The following ZC3H8 variants were observed in gnomAD, a reference collection of about 807,000 sequenced individuals.
ZC3H8 encodes zinc finger CCCH domain-containing protein 8.
A neutral mutation model predicts 42.5 loss-of-function variants in ZC3H8; 27 were observed. The observed-to-expected ratio is 0.64, with a 90% CI of 0.47 to 0.88. ZC3H8 has a LOEUF of 0.88. Among genes scored for constraint, ZC3H8 ranks in the 40% least tolerant of loss-of-function variants. The pLI is 0.00. For synonymous variants in ZC3H8, 101 were observed against 110.1 expected (o/e 0.92, Z 0.52); for missense variants, 277 against 336.1 (o/e 0.82, Z 1.37).
chr2:112,234,285 ATATTT>A (rs1319077981), intron 4 of ZC3H8, 49 bp from the exon 5 acceptor site: 1 of 1,367,760 alleles, frequency 7.3e-7, no homozygotes, highest in African/African-American at 1.5e-5. Flanking sequence ...AGAAAATTAA[ATATTT>A]TATTCTGTTG....
At chr2:112,227,085 A>G (rs929063066) in intron 8 of ZC3H8, among the ~76,000 whole-genome samples, 2 of 152,336 alleles carry the variant, frequency 1.3e-5, no homozygotes, top group African/African-American at 4.8e-5. Flanking sequence ...AGCTAAAATC[A>G]TATGTATTGG....
At chr2:112,226,090 A>G (rs1224125766) in intron 8 of ZC3H8, among the ~76,000 whole-genome samples, 1 of 152,094 alleles carries the variant, frequency 6.6e-6, no homozygotes. Context: ...TCAAAAAAAA[A>G]AGAAAATCTT....
chr2:112,253,317 C>T (rs1310027302), intron 1 of ZC3H8, among the ~76,000 whole-genome samples: 4 of 151,920 alleles, frequency 2.6e-5, no homozygotes, highest in African/African-American at 9.7e-5. Flanking sequence ...TTCATCTCTT[C>T]TTCATTTACT....
chr2:112,219,085 G>A (rs1684470059), intron 8 of ZC3H8, among the ~76,000 whole-genome samples: 1 of 151,948 alleles, frequency 6.6e-6, no homozygotes, highest in Non-Finnish European at 1.5e-5. Flanking sequence ...TTTTTTTCCA[G>A]AAATAGAAAA....
chr2:112,248,481 T>C lies in ZC3H8; in HGVS notation c.156+1710A>G, dbSNP rs114697111. 6.0e-3 allele frequency among the ~76,000 whole-genome samples: 908 copies of C among 152,320 alleles called. 8 individuals are homozygous for C. Among genetic ancestry groups the C allele is most frequent in the Admixed American group, 0.01 (156 of 15,312 alleles). The stretch of plus-strand genomic sequence containing the variant: ...AGTGACAATTTAACCCATTCTTCTA[T>C]AGTGTGTTAAAACTCATTTTTTTTT... On this transcript the variant is annotated intron_variant, in intron 2 of 8. Transcript: ENST00000409573.
intron 8 of ZC3H8, 58 bp from the exon 9 acceptor site, chr2:112,216,526 C>T (rs1021981499): frequency 2.0e-5 from 3 of 152,146 alleles, no homozygotes; most frequent in Non-Finnish European, 2.9e-5. Context: ...CCAGCAGAGC[C>T]GCCCTTACTC....
At chr2:112,224,429 C>G (rs1159991720) in intron 8 of ZC3H8, among the ~76,000 whole-genome samples, 2 of 152,104 alleles carry the variant, frequency 1.3e-5, no homozygotes, top group Non-Finnish European at 2.9e-5. Context: ...GAGTTTCTAC[C>G]AGAAAATTGC....
Position 112,216,048 on chromosome 2 carries a change from C to A in ZC3H8, c.*436G>T, listed in dbSNP as rs1407762163. 3 of 152,130 alleles carry A rather than the reference C, an allele frequency of 2.0e-5. No homozygotes were observed. Among genetic ancestry groups the A allele is most frequent in the Admixed American group, 6.5e-5 (1 of 15,272 alleles). 9.4% of individuals were successfully genotyped at this position (152,130 alleles called of 1,614,324 possible). A position where few individuals can be genotyped will look rare whatever the true frequency, so the allele number is the denominator to read the frequency against. ...AAACTATTTAATGTCATAAAGAGAACTAACTCTGTTTTTATGGTCCATCTA... is the reference window on the plus strand; with the variant it reads ...AAACTATTTAATGTCATAAAGAGAAATAACTCTGTTTTTATGGTCCATCTA... On this transcript the variant is annotated 3_prime_UTR_variant, in exon 9 of 9. Transcript: ENST00000409573.
chr2:112,245,256 T>A (rs1685715154), intron 2 of ZC3H8, among the ~76,000 whole-genome samples: 1 of 152,200 alleles, frequency 6.6e-6, no homozygotes, highest in Non-Finnish European at 1.5e-5. Context: ...TCTCTTCAAT[T>A]CTATGAAGGT....
intron 2 of ZC3H8, among the ~76,000 whole-genome samples, chr2:112,244,089 A>G (rs1349359899): frequency 6.6e-6 from 1 of 152,050 alleles, no homozygotes; most frequent in African/African-American, 2.4e-5. Context: ...CCACAATAGC[A>G]CTAAGCAGAA....
At chr2:112,236,126 TGGTGGCG>T (rs1331900709) in intron 4 of ZC3H8, among the ~76,000 whole-genome samples, 1 of 151,840 alleles carries the variant, frequency 6.6e-6, no homozygotes, top group Non-Finnish European at 1.5e-5. Context: ...TAGCCGGGCA[TGGTGGCG>T]GGCGCCTGTA....
At position 112,236,703 on chromosome 2, in the gene ZC3H8, CA is replaced by C. The variant is rs758177829; in HGVS notation, c.371-9del. 2 of 1,594,080 alleles carry C rather than the reference CA, an allele frequency of 1.3e-6. No individual in the cohort carries two copies. The highest frequency in any genetic ancestry group is 1.4e-5 in the African/African-American group (1 of 73,908). On this transcript the variant is annotated splice_polypyrimidine_tract_variant and intron_variant, in intron 3 of 8. Coordinates refer to ENST00000409573, the MANE Select transcript of ZC3H8 (RefSeq NM_032494.3). ...TATTTTTTTGTTTAGCAGCTAAAAA[CA>C]AAAAATTAATTTAAAAAATGACATA...
At chr2:112,230,793 G>T in intron 8 of ZC3H8, 110 bp downstream of exon 8, 1 of 627,658 alleles carries the variant, frequency 1.6e-6, no homozygotes. Context: ...TTTTTTAGTG[G>T]CGGAGGAAGA....
chr2:112,227,389 G>T (rs1213633035), intron 8 of ZC3H8, among the ~76,000 whole-genome samples: 1 of 152,222 alleles, frequency 6.6e-6, no homozygotes, highest in Non-Finnish European at 1.5e-5. Context: ...GCCGGGCGTG[G>T]TGGCAGATGC....
chr2:112,254,506 T>C (rs1686058840), intron 1 of ZC3H8, among the ~76,000 whole-genome samples: 2 of 152,178 alleles, frequency 1.3e-5, no homozygotes, highest in African/African-American at 4.8e-5. Context: ...GTGAAAAAGG[T>C]CACATCAGTG....
chr2:112,232,582 G>A lies in ZC3H8; in HGVS notation c.734-635C>T, dbSNP rs183341816. ...ATCATTTTTAAAGCATTCCTTTGGG[G>A]GTGGAGGAATCAAAGTCAACAACGA... On this transcript the variant is annotated intron_variant, in intron 6 of 8. Coordinates refer to ENST00000409573, the MANE Select transcript of ZC3H8 (RefSeq NM_032494.3). Among the ~76,000 whole-genome samples the A allele has an allele frequency of 3.5e-4, 53 of 152,154 alleles. No homozygotes were observed. The East Asian group carries it at 9.7e-3, about 28-fold the overall frequency.
intron 2 of ZC3H8, among the ~76,000 whole-genome samples, chr2:112,239,621 A>G (rs1015331012): frequency 1.5e-4 from 17 of 110,584 alleles, no homozygotes; most frequent in African/African-American, 6.4e-4. Flanking sequence ...TTCTCACTCT[A>G]TTGCCCAGGC....
At chr2:112,235,464 T>C (rs1448790637) in intron 4 of ZC3H8, among the ~76,000 whole-genome samples, 1 of 152,180 alleles carries the variant, frequency 6.6e-6, no homozygotes, top group Non-Finnish European at 1.5e-5. Context: ...TGTGTGACTA[T>C]GGGTAATTAC....
chr2:112,229,814 T>TA (rs969045116), intron 8 of ZC3H8, among the ~76,000 whole-genome samples: 2 of 150,036 alleles, frequency 1.3e-5, no homozygotes, highest in East Asian at 1.9e-4. Flanking sequence ...CTCCAAAACT[T>TA]AAAAAAAAAG....
Sources: allele counts gnomAD v4.1 joint callset (sites outside exome capture counted in the v4.1 genomes callset), GRCh38; gene constraint gnomAD v4.1.1; transcripts MANE v1.5; gene names NCBI Gene and HGNC (gene_info 2026-07-23, HGNC 2026-07-21).